The following GAK variants were observed in gnomAD, a reference collection of about 807,000 sequenced individuals.
The protein encoded by GAK is cyclin-G-associated kinase.
In GAK, 79 loss-of-function variants were observed where a neutral mutation model predicts 143.9. The observed-to-expected ratio is 0.55, with a 90% CI of 0.46 to 0.66. The LOEUF (loss-of-function observed/expected upper bound fraction) is 0.66. GAK is among the 30% of genes least tolerant of loss of function. The pLI is 0.00. For synonymous variants in GAK, 881 were observed against 765.5 expected (o/e 1.15, Z -2.49); for missense variants, 1,693 against 1,779.7 (o/e 0.95, Z 0.88).
Position 912,722 on chromosome 4 carries a change from A to C in GAK, c.267+13T>G. On this transcript the variant is annotated intron_variant, in intron 3 of 27. Coordinates refer to ENST00000314167, the MANE Select transcript of GAK (RefSeq NM_005255.4). ...AGCCACCGTGCTGGCTCCTGGTTCC[A>C]GGAAAAGGATACCATGAAGCAAACT... 1 of 1,612,126 alleles carries C rather than the reference A, an allele frequency of 6.2e-7. No individual in the cohort carries two copies. Among genetic ancestry groups the C allele is most frequent in the Non-Finnish European group, 8.5e-7 (1 of 1,178,548 alleles).
intron 1 of GAK, among the ~76,000 whole-genome samples, chr4:925,271 C>G (rs991340423): frequency 6.6e-6 from 1 of 152,120 alleles, no homozygotes; most frequent in East Asian, 1.9e-4. Flanking sequence ...CTGGTGCCCC[C>G]GAGCAGCCTG....
chr4:918,173 T>C (rs1723357910), intron 1 of GAK, among the ~76,000 whole-genome samples: 1 of 152,236 alleles, frequency 6.6e-6, no homozygotes, highest in Non-Finnish European at 1.5e-5. Context: ...AATGCAAGGT[T>C]GGTGTAACAT....
intron 14 of GAK, 72 bp downstream of exon 14, chr4:882,625 A>T: frequency 6.4e-7 from 1 of 1,563,320 alleles, no homozygotes; most frequent in South Asian, 1.1e-5. Context: ...TGGCGCTCAG[A>T]TCCTGTTGAA....
At chr4:914,471 GC>G (rs1722684074) in intron 1 of GAK, among the ~76,000 whole-genome samples, 1 of 72,208 alleles carries the variant, frequency 1.4e-5, no homozygotes, top group Non-Finnish European at 2.5e-5. Flanking sequence ...AGTGTGCACG[GC>G]CCCACACACA....
rs376847865 is a variant in GAK, at chr4:849,623, G to T, written c.*50C>A. The T allele has an allele frequency of 1.2e-4, 182 of 1,462,950 alleles. 1 individual carries two copies. Among genetic ancestry groups the T allele is most frequent in the Admixed American group, 2.7e-4 (15 of 55,366 alleles). The allele number at this position is 1,462,950 out of a possible 1,614,324, so 90.6% of individuals were successfully genotyped here. A position where few individuals can be genotyped will look rare whatever the true frequency, so the allele number is the denominator to read the frequency against. On this transcript the variant is annotated 3_prime_UTR_variant, in exon 28 of 28. Transcript: ENST00000314167. ...CTCACGGTGGGGACCCAGGTCCCAC[G>T]ACGGCTCCCAACCTGTGGAGCTGTG...
chr4:876,985 C>A, intron 17 of GAK, 105 bp downstream of exon 17: 1 of 763,828 alleles, frequency 1.3e-6, no homozygotes, highest in South Asian at 1.6e-5. Flanking sequence ...CACCAAACAG[C>A]GAGCACCCTG....
intron 23 of GAK, among the ~76,000 whole-genome samples, chr4:860,215 C>T (rs1750027796): frequency 1.4e-5 from 2 of 143,194 alleles, no homozygotes; most frequent in South Asian, 4.3e-4. Context: ...TCGCTCCAGC[C>T]CAGGGGTTGA....
At chr4:914,526 G>A (rs1437077289) in intron 1 of GAK, among the ~76,000 whole-genome samples, 7 of 68,378 alleles carry the variant, frequency 1.0e-4, no homozygotes, top group South Asian at 6.6e-4. Flanking sequence ...CAGCCCCAGC[G>A]TGCACGGCCA....
At position 932,154 on chromosome 4, in the gene GAK, C is replaced by A. The variant is rs1186014837; in HGVS notation, c.34G>T (p.Ala12Ser). The change falls in exon 1 of 28, where the codon GCG becomes TCG. Residue 12 changes from alanine to serine, a missense_variant. By Grantham distance (99) the Ala-to-Ser change is moderately conservative. Coordinates refer to ENST00000314167, the MANE Select transcript of GAK (RefSeq NM_005255.4). The surrounding 1 kb of genome is among the most constrained non-coding windows in gnomAD (Gnocchi z 4.0). ...SLLQSALDFL[A>S]GPGSLGGASG... ...GCACCGCCCAGGGAGCCTGGACCCG[C>A]CAAGAAGTCGAGCGCCGACTGCAGC... 1.9e-6 allele frequency: 3 copies of A among 1,582,908 alleles called. No homozygotes were observed. In the Admixed American group the frequency reaches 5.3e-5, roughly 28 times the overall value.
At position 883,380 on chromosome 4, in the gene GAK, G is replaced by C. The variant is rs1319615490; in HGVS notation, c.1339C>G (p.Pro447Ala). 5.6e-6 allele frequency: 9 copies of C among 1,613,650 alleles called. No individual in the cohort carries two copies. The highest frequency in any genetic ancestry group is 6.8e-6 in the Non-Finnish European group (8 of 1,180,024). Residue 447 changes from proline (P) to alanine (A), a missense_variant, in exon 13 of 28, where the codon CCA becomes GCA. This residue lies in a region of GAK where 871 missense variants were observed against 991.0 expected (regional missense o/e 0.88). Coordinates refer to ENST00000314167, the MANE Select transcript of GAK (RefSeq NM_005255.4). ...DVRLFLDSKH[P>A]GHYAVYNLSP... ...AGGTTGTAGACGGCATAGTGCCCTG[G>C]GTGCTTGGAGTCCAGGAACAACCGC...
intron 5 of GAK, among the ~76,000 whole-genome samples, chr4:902,617 C>A (rs1305560548): frequency 2.2e-5 from 1 of 46,352 alleles, no homozygotes; most frequent in Admixed American, 1.5e-4. Flanking sequence ...AAAAAAAACC[C>A]CAAAAAACCT....
rs74877258 is a variant in GAK at position 902,278 on chromosome 4, C to G, written c.525+2359G>C. On this transcript the variant is annotated intron_variant, in intron 5 of 27. Coordinates refer to ENST00000314167, the MANE Select transcript of GAK (RefSeq NM_005255.4). ...AGAAATGTCCTCACGTCCCCAGAGA[C>G]ATGGACAAAAGTATCTGGGAGTGAT... Among the ~76,000 whole-genome samples the G allele has an allele frequency of 2.5e-4, 37 of 150,496 alleles. 1 individual carries two copies. The East Asian group carries it at 7.2e-3, about 29-fold the overall frequency.
intron 4 of GAK, among the ~76,000 whole-genome samples, chr4:907,339 GC>G (rs1387992607): frequency 6.6e-6 from 1 of 152,170 alleles, no homozygotes; most frequent in East Asian, 1.9e-4. Context: ...TCCCTCAAAA[GC>G]TTTGTGCTGA....
intron 13 of GAK, 105 bp from the exon 14 acceptor site, chr4:882,924 G>A (rs1715456332): frequency 6.9e-7 from 1 of 1,455,512 alleles, no homozygotes; most frequent in Non-Finnish European, 9.3e-7. Flanking sequence ...TCCGCCAGCT[G>A]GTGTCATGAA....
At chr4:866,577 C>T (rs1751219326) in intron 21 of GAK, 43 bp from the exon 22 acceptor site, 1 of 1,595,368 alleles carries the variant, frequency 6.3e-7, no homozygotes, top group African/African-American at 1.3e-5. Context: ...GCCCGGCTGC[C>T]TGAAGACAAA....
rs752687043 is a variant in GAK, at chr4:865,197, G to A, written c.3091C>T (p.Pro1031Ser). 1.7e-5 allele frequency: 27 copies of A among 1,613,238 alleles called. No individual in the cohort carries two copies. The highest frequency in any genetic ancestry group is 2.3e-5 in the Non-Finnish European group (27 of 1,179,872). ...GCAGCCCATCCTCCCAGCAGGTCTG[G>A]GTTGCTGGACGAGGCTGTCATCTTG... ...PSKMTASSSN[P>S]DLLGGWAAWT... The change falls in exon 23 of 28, where the codon CCA becomes TCA. Residue 1031 changes from proline to serine, a missense_variant. By Grantham distance (74) the Pro-to-Ser change is moderately conservative. Transcript: ENST00000314167.
chr4:925,569 T>C (rs983571218), intron 1 of GAK, among the ~76,000 whole-genome samples: 3 of 152,212 alleles, frequency 2.0e-5, no homozygotes, highest in African/African-American at 7.2e-5. Flanking sequence ...ACAGAATGAA[T>C]CTGTGTCCCC....
intron 15 of GAK, 146 bp from the exon 16 acceptor site, chr4:877,955 A>C: frequency 1.6e-6 from 1 of 619,876 alleles, no homozygotes; most frequent in South Asian, 2.4e-5. Flanking sequence ...TGATGTTATA[A>C]TTTTCATTTA....
intron 6 of GAK, among the ~76,000 whole-genome samples, 183 bp from the exon 7 acceptor site, chr4:896,732 C>T (rs111850691): frequency 2.0e-3 from 303 of 152,392 alleles, no homozygotes; most frequent in African/African-American, 6.8e-3. Flanking sequence ...TGCTCATCTT[C>T]GGCCTCAGCG....
Sources: gnomAD v4.1 joint callset for allele counts (sites outside exome capture counted in the v4.1 genomes callset) on GRCh38, gnomAD v4.1.1 for gene constraint, gnomAD v4.1.1 regional missense constraint, Gnocchi (gnomAD v3.1) non-coding constraint, MANE v1.5 for transcripts, NCBI Gene and HGNC (gene_info 2026-07-23, HGNC 2026-07-21) for gene names.